Variants in SEPTIN11 observed in about 807,000 individuals in gnomAD.
SEPTIN11 encodes the protein septin 11, also known as septin-11.
SEPTIN11 carries 25 observed loss-of-function variants against 51.4 expected under a neutral mutation model. The observed-to-expected ratio is 0.49, with a 90% CI of 0.35 to 0.68. SEPTIN11 has a LOEUF of 0.68. Among genes scored for constraint, SEPTIN11 ranks in the 30% least tolerant of loss-of-function variants. SEPTIN11 has a pLI of 0.00. For missense variants in SEPTIN11, 381 were observed against 520.8 expected (o/e 0.73, Z 2.61); for synonymous variants, 174 against 184.1 (o/e 0.95, Z 0.44).
chr4:76,962,365 T>C (rs569337154), intron 1 of SEPTIN11, among the ~76,000 whole-genome samples: 25 of 152,382 alleles, frequency 1.6e-4, no homozygotes, highest in African/African-American at 5.8e-4. Context: ...TCTCAATCTT[T>C]AAATGCCTTT....
chr4:77,023,355 ATATAAT>A (rs1725879183), intron 7 of SEPTIN11, among the ~76,000 whole-genome samples: 1 of 147,106 alleles, frequency 6.8e-6, no homozygotes, highest in Admixed American at 6.8e-5. Flanking sequence ...CTAATATATG[ATATAAT>A]TATATAATAA....
intron 1 of SEPTIN11, among the ~76,000 whole-genome samples, chr4:76,969,522 C>G (rs1193387725): frequency 1.3e-5 from 2 of 152,158 alleles, no homozygotes; most frequent in Admixed American, 1.3e-4. Flanking sequence ...AATCATATTT[C>G]AGGCCCCTAA....
chr4:76,959,206 C>T (rs1325426739), intron 1 of SEPTIN11: 24 of 330,258 alleles, frequency 7.3e-5, no homozygotes, highest in South Asian at 2.7e-4. Context: ...CTGTAACGAC[C>T]GATGGAAACG....
At chr4:77,014,788 ATGTTTT>A in intron 4 of SEPTIN11, 62 bp from the exon 5 acceptor site, 1 of 1,487,904 alleles carries the variant, frequency 6.7e-7, no homozygotes, top group Non-Finnish European at 9.2e-7. Flanking sequence ...TTTGTTTGCT[ATGTTTT>A]ATTCACTTGT....
At chr4:76,968,619 G>A (rs1722124086) in intron 1 of SEPTIN11, among the ~76,000 whole-genome samples, 1 of 152,076 alleles carries the variant, frequency 6.6e-6, no homozygotes. Context: ...TGTTGTTTTT[G>A]TTATGAGTTT....
Position 77,036,379 on chromosome 4 carries a change from C to G in SEPTIN11, c.*1867C>G. 3.7e-6 allele frequency: 4 copies of G among 1,076,138 alleles called. No individual in the cohort carries two copies. Among genetic ancestry groups the G allele is most frequent in the Non-Finnish European group, 4.5e-6 (4 of 886,034 alleles). 66.7% of individuals were successfully genotyped at this position (1,076,138 alleles called of 1,614,324 possible). On this transcript the variant is annotated 3_prime_UTR_variant, in exon 10 of 10. Transcript: ENST00000264893. ...GGGCTGAATTTGCTCATAGGCTGTG[C>G]ATCAGACAAAAGCTTGAATATTTGT... is the stretch of plus-strand genomic sequence containing the variant.
At position 77,028,618 on chromosome 4, in the gene SEPTIN11, A is replaced by G. The variant is rs181228744; in HGVS notation, c.954-11A>G. On this transcript the variant is annotated splice_polypyrimidine_tract_variant and intron_variant, in intron 7 of 9. Coordinates refer to ENST00000264893, the MANE Select transcript of SEPTIN11 (RefSeq NM_018243.4). The stretch of plus-strand genomic sequence containing the variant: ...TCATGATGCTGTCCTTCGTTTGTGG[A>G]TTTTCAATAGTCTTCAGGAGACATA... The G allele has an allele frequency of 3.2e-6, 5 of 1,582,166 alleles. No homozygotes were observed. Among genetic ancestry groups the G allele is most frequent in the South Asian group, 2.4e-5 (2 of 84,308 alleles).
chr4:77,034,434 AT>A, intron 9 of SEPTIN11, 62 bp from the exon 10 acceptor site: 1 of 1,387,504 alleles, frequency 7.2e-7, no homozygotes, highest in South Asian at 1.5e-5. Context: ...GTCGCTCCTA[AT>A]TTTCCTTTCT....
chr4:77,015,006 G>A lies in SEPTIN11; in HGVS notation c.676G>A (p.Ala226Thr), dbSNP rs774260132. The change falls in exon 5 of 10, where the codon GCA (alanine) becomes ACA (threonine). Residue 226 changes from alanine to threonine, a missense_variant. This residue lies in a region of SEPTIN11 where 197 missense variants were observed against 313.1 expected (regional missense o/e 0.63). Coordinates refer to ENST00000264893, the MANE Select transcript of SEPTIN11 (RefSeq NM_018243.4). ...TDEETVAEIN[A>T]TMSVHLPFAV... Reference sequence around the variant, plus strand: ...TGAAGAAACGGTGGCAGAGATTAACGCAACAATGAGTGTAAGTCCTCAAGT... The same window carrying A: ...TGAAGAAACGGTGGCAGAGATTAACACAACAATGAGTGTAAGTCCTCAAGT... The A allele has an allele frequency of 4.3e-6, 7 of 1,613,004 alleles. No individual in the cohort carries two copies. The Admixed American group carries it at 5.0e-5, about 12-fold the overall frequency.
chr4:76,950,032 C>T (rs938807385), intron 1 of SEPTIN11, 102 bp downstream of exon 1: 2 of 1,078,112 alleles, frequency 1.9e-6, no homozygotes, highest in African/African-American at 3.6e-5. Context: ...GGTGCTCGGC[C>T]CCGCGGCGGC....
chr4:76,979,911 G>A (rs1453554567), intron 1 of SEPTIN11, among the ~76,000 whole-genome samples: 1 of 152,100 alleles, frequency 6.6e-6, no homozygotes, highest in African/African-American at 2.4e-5. Flanking sequence ...GATGGCTGGA[G>A]TGGAAGGAGG....
chr4:77,039,071 A>G, downstream of SEPTIN11: 1 of 1,288,378 alleles, frequency 7.8e-7, no homozygotes, highest in South Asian at 1.2e-5. Flanking sequence ...TCTCTTCTGT[A>G]GCTTCTTCTT....
chr4:77,016,060 G>T (rs1284230749), intron 5 of SEPTIN11, among the ~76,000 whole-genome samples: 5 of 152,134 alleles, frequency 3.3e-5, no homozygotes, highest in Non-Finnish European at 5.9e-5. Flanking sequence ...TCTTAAGCAG[G>T]ATTGAACGTA....
chr4:76,971,737 G>A (rs1265653972), intron 1 of SEPTIN11, among the ~76,000 whole-genome samples: 2 of 152,142 alleles, frequency 1.3e-5, no homozygotes, highest in African/African-American at 4.8e-5. Context: ...GAGCTTCTTA[G>A]AAGGGCAGTA....
intron 1 of SEPTIN11, among the ~76,000 whole-genome samples, chr4:76,955,891 C>T (rs1012038649): frequency 6.6e-6 from 1 of 152,118 alleles, no homozygotes; most frequent in African/African-American, 2.4e-5. Flanking sequence ...TTTCTTAGAC[C>T]TAAGCAACTG....
At chr4:76,958,323 G>A (rs1473228120) in intron 1 of SEPTIN11, among the ~76,000 whole-genome samples, 1 of 152,212 alleles carries the variant, frequency 6.6e-6, no homozygotes, top group East Asian at 1.9e-4. Flanking sequence ...TGAGATGGTG[G>A]ATCTACATGG....
chr4:76,976,839 C>T (rs902526223), intron 1 of SEPTIN11, among the ~76,000 whole-genome samples: 7 of 152,180 alleles, frequency 4.6e-5, no homozygotes, highest in Non-Finnish European at 7.3e-5. Context: ...TGACCCTTCT[C>T]CACCCATCTA....
chr4:76,990,751 A>G (rs1426541548), intron 1 of SEPTIN11, among the ~76,000 whole-genome samples: 1 of 152,246 alleles, frequency 6.6e-6, no homozygotes, highest in African/African-American at 2.4e-5. Context: ...CTGCTCTAGA[A>G]TGTTCACACA....
rs1721227431 is a variant in SEPTIN11 at position 76,949,775 on chromosome 4, C to T, written c.-129C>T. 7 of 997,650 alleles carry T rather than the reference C, an allele frequency of 7.0e-6. No homozygotes were observed. Among genetic ancestry groups the T allele is most frequent in the Non-Finnish European group, 9.9e-6 (7 of 704,454 alleles). 61.8% of individuals were successfully genotyped at this position (997,650 alleles called of 1,614,324 possible). On this transcript the variant is annotated 5_prime_UTR_variant, in exon 1 of 10. Transcript: ENST00000264893. ...GGGAGCAGATGCCGCTGGCTGCCAG[C>T]GGGACGCCGGCGAGCAGAGCGCAGC...
Sources: allele counts gnomAD v4.1 joint callset (sites outside exome capture counted in the v4.1 genomes callset), GRCh38; gene constraint gnomAD v4.1.1; regional missense constraint gnomAD v4.1.1; transcripts MANE v1.5; gene names NCBI Gene and HGNC (gene_info 2026-07-23, HGNC 2026-07-21).